CPEB1: variants seen among roughly 807,000 people sequenced by gnomAD.
CPEB1 encodes cytoplasmic polyadenylation element binding protein 1, also known as cytoplasmic polyadenylation element-binding protein 1.
CPEB1 carries 7 observed loss-of-function variants against 65.8 expected under a neutral mutation model. The ratio of observed to expected loss-of-function variants is 0.11; its 90% CI spans 0.06 to 0.20. CPEB1 has a LOEUF of 0.20. Among genes scored for constraint, CPEB1 ranks in the 10% least tolerant of loss-of-function variants. The pLI, the probability that CPEB1 is intolerant of heterozygous loss-of-function variation, is 1.00. For missense variants in CPEB1, 551 were observed against 712.2 expected (o/e 0.77, Z 2.58); for synonymous variants, 262 against 260.0 (o/e 1.01, Z -0.08).
chr15:82,595,136 C>T (rs1019557833), intron 3 of CPEB1, among the ~76,000 whole-genome samples: 5 of 152,156 alleles, frequency 3.3e-5, no homozygotes, highest in African/African-American at 1.2e-4. Flanking sequence ...TTGTATAAAA[C>T]GCTGTATCTG....
intron 3 of CPEB1, among the ~76,000 whole-genome samples, chr15:82,589,737 T>G (rs1036930246): frequency 3.3e-5 from 5 of 151,696 alleles, no homozygotes; most frequent in Admixed American, 2.6e-4. Context: ...AAAAAAAAAT[T>G]GTATTACAGT....
chr15:82,579,918 C>CAAAAAAAAAAAA (rs59925251), intron 3 of CPEB1, among the ~76,000 whole-genome samples: 11 of 32,680 alleles, frequency 3.4e-4, no homozygotes, highest in Non-Finnish European at 5.5e-4. Flanking sequence ...GACTCCGTCT[C>CAAAAAAAAAAAA]AAAAAAAAAA....
chr15:82,548,762 C>T (rs927763611), intron 10 of CPEB1: 2 of 455,154 alleles, frequency 4.4e-6, no homozygotes, highest in Non-Finnish European at 8.8e-6. Context: ...CAATCTGCTG[C>T]ACAGTATTGG....
rs1285543042 is a variant in CPEB1, at chr15:82,644,108, A to C, written c.-98+3029T>G. Among the ~76,000 whole-genome samples the C allele has an allele frequency of 3.3e-5, 5 of 152,194 alleles. No individual in the cohort carries two copies. The East Asian group carries it at 9.6e-4, about 29-fold the overall frequency. ...GACCTCCGGCTCTCAGGATCAGCTAACTGCTCTGACATACATTGTGGAATG... is the reference window on the plus strand; with the variant it reads ...GACCTCCGGCTCTCAGGATCAGCTACCTGCTCTGACATACATTGTGGAATG... On this transcript the variant is annotated intron_variant, in intron 1 of 12. Transcript: ENST00000684509.
chr15:82,630,901 A>G (rs2046190781), intron 1 of CPEB1, among the ~76,000 whole-genome samples: 1 of 152,204 alleles, frequency 6.6e-6, no homozygotes, highest in South Asian at 2.1e-4. Context: ...GTGTCTTTTC[A>G]ATACACAAAA....
intron 4 of CPEB1, among the ~76,000 whole-genome samples, chr15:82,563,357 CTTTTTTTTTTT>C (rs71453394): frequency 2.2e-5 from 2 of 92,068 alleles, no homozygotes; most frequent in Admixed American, 1.4e-4. Context: ...CATCTCTATT[CTTTTTTTTTTT>C]TTTTTTTTTT....
intron 3 of CPEB1, among the ~76,000 whole-genome samples, chr15:82,601,159 C>T (rs1204608945): frequency 2.7e-5 from 4 of 150,558 alleles, no homozygotes; most frequent in Non-Finnish European, 4.4e-5. Flanking sequence ...GCCCCCACCT[C>T]GACCTCCCAA....
intron 3 of CPEB1, among the ~76,000 whole-genome samples, chr15:82,612,878 C>A (rs1169907572): frequency 6.6e-6 from 1 of 151,660 alleles, no homozygotes; most frequent in South Asian, 2.1e-4. Flanking sequence ...AACAAACAAA[C>A]AAAAAACTGA....
At chr15:82,625,512 A>T (rs2045683366) in intron 3 of CPEB1, among the ~76,000 whole-genome samples, 1 of 152,182 alleles carries the variant, frequency 6.6e-6, no homozygotes, top group Non-Finnish European at 1.5e-5. Context: ...CCTTTGGTAT[A>T]TGTAGGGAAT....
At chr15:82,608,208 T>C (rs974702458) in intron 3 of CPEB1, among the ~76,000 whole-genome samples, 5 of 152,254 alleles carry the variant, frequency 3.3e-5, no homozygotes, top group African/African-American at 7.2e-5. Flanking sequence ...GGTTAGCCTG[T>C]TGAGTTCCTA....
upstream of CPEB1, chr15:82,648,376 G>T (rs150015470): frequency 1.6e-3 from 241 of 152,892 alleles, 2 homozygotes; most frequent in Non-Finnish European, 2.6e-3. Context: ...TCTCCAGGGC[G>T]AGAGCCTGCC....
chr15:82,638,038 C>A (rs191429595), intron 1 of CPEB1: 1 of 441,994 alleles, frequency 2.3e-6, no homozygotes, highest in South Asian at 1.6e-5. Context: ...TATAAGATAG[C>A]GGGATTTTCT....
intron 3 of CPEB1, among the ~76,000 whole-genome samples, chr15:82,592,233 A>AAT (rs2042315030): frequency 1.3e-5 from 2 of 152,164 alleles, no homozygotes; most frequent in Non-Finnish European, 2.9e-5. Context: ...TCAGTTGCAG[A>AAT]CCACCTCAAA....
chr15:82,601,725 T>C (rs1228132955), intron 3 of CPEB1, among the ~76,000 whole-genome samples: 1 of 152,142 alleles, frequency 6.6e-6, no homozygotes, highest in Non-Finnish European at 1.5e-5. Flanking sequence ...AAAAATGCTG[T>C]TGTAACCAAA....
At chr15:82,648,030 G>A (rs1204991596), upstream of CPEB1, 5 of 485,164 alleles carry the variant, frequency 1.0e-5, no homozygotes, top group Admixed American at 4.6e-5. Flanking sequence ...GCCGCCCCCC[G>A]GCCGGATGCG....
At chr15:82,547,843 T>A (rs2035528513) in intron 10 of CPEB1, among the ~76,000 whole-genome samples, 1 of 152,038 alleles carries the variant, frequency 6.6e-6, no homozygotes, top group Admixed American at 6.6e-5. Context: ...GGCTAATTTT[T>A]GTATTTTTTT....
intron 3 of CPEB1, among the ~76,000 whole-genome samples, chr15:82,625,203 C>T (rs2045651423): frequency 6.6e-6 from 1 of 152,042 alleles, no homozygotes; most frequent in Non-Finnish European, 1.5e-5. Context: ...AAAGATGACT[C>T]CCTGAACTTT....
chr15:82,614,594 A>T (rs191397302), intron 3 of CPEB1, among the ~76,000 whole-genome samples: 3 of 152,256 alleles, frequency 2.0e-5, no homozygotes, highest in African/African-American at 7.2e-5. Context: ...TACAATTTGA[A>T]CACAAAATGA....
intron 3 of CPEB1, among the ~76,000 whole-genome samples, chr15:82,577,789 C>G (rs896546590): frequency 2.0e-5 from 3 of 152,014 alleles, no homozygotes; most frequent in African/African-American, 7.2e-5. Flanking sequence ...TCACAAAGTG[C>G]TGGGATTACA....
Sources: gnomAD v4.1 joint callset for allele counts (sites outside exome capture counted in the v4.1 genomes callset) on GRCh38, gnomAD v4.1.1 for gene constraint, MANE v1.5 for transcripts, NCBI Gene and HGNC (gene_info 2026-07-23, HGNC 2026-07-21) for gene names.